LDLRAD4: variants seen among roughly 807,000 people sequenced by gnomAD.
LDLRAD4 encodes low-density lipoprotein receptor class A domain-containing protein 4.
In LDLRAD4, 5 loss-of-function variants were observed where a neutral mutation model predicts 17.0. The ratio of observed to expected loss-of-function variants is 0.29; its 90% confidence interval spans 0.15 to 0.62. The LOEUF (loss-of-function observed/expected upper bound fraction) is 0.62. Among genes scored for constraint, LDLRAD4 ranks in the 20% least tolerant of loss-of-function variants. The probability of loss-of-function intolerance (pLI) is 0.84; values close to 1 mark genes in which losing one functional copy is unlikely to be tolerated. For missense variants in LDLRAD4, 340 were observed against 424.7 expected (o/e 0.80, Z 1.75); for synonymous variants, 168 against 171.8 (o/e 0.98, Z 0.17).
At chr18:13,434,143 G>A (rs2090510814) in intron 2 of LDLRAD4, among the ~76,000 whole-genome samples, 1 of 150,126 alleles carries the variant, frequency 6.7e-6, no homozygotes, top group South Asian at 2.2e-4. Flanking sequence ...ATGTAGAAAT[G>A]CAGAGAAGCT....
At chr18:13,386,373 A>ATT (rs5823250) in intron 1 of LDLRAD4, among the ~76,000 whole-genome samples, 1 of 148,192 alleles carries the variant, frequency 6.7e-6, no homozygotes, top group South Asian at 2.1e-4. Flanking sequence ...TTATTATTCT[A>ATT]TTTTTTTTTT....
chr18:13,316,674 G>A (rs938003160), intron 1 of LDLRAD4, among the ~76,000 whole-genome samples: 1 of 152,180 alleles, frequency 6.6e-6, no homozygotes, highest in Non-Finnish European at 1.5e-5. Flanking sequence ...TGGAGGGTGG[G>A]TGCTGCTGTT....
intron 1 of LDLRAD4, among the ~76,000 whole-genome samples, chr18:13,375,445 G>A (rs1371045220): frequency 1.3e-5 from 2 of 152,134 alleles, no homozygotes; most frequent in Non-Finnish European, 2.9e-5. Flanking sequence ...TGATGTCTCC[G>A]ACGTGGGGAA....
chr18:13,455,386 C>G (rs1406308508), intron 3 of LDLRAD4, among the ~76,000 whole-genome samples: 1 of 152,188 alleles, frequency 6.6e-6, no homozygotes, highest in Admixed American at 6.5e-5. Context: ...TTCATTGTCT[C>G]AAGTGGGATG....
chr18:13,491,651 G>A (rs948285376), intron 3 of LDLRAD4: 16 of 152,174 alleles, frequency 1.1e-4, no homozygotes, highest in African/African-American at 3.9e-4. Context: ...AAAAAAAGAA[G>A]CATTTGTGTG....
At chr18:13,352,850 G>C (rs906670668) in intron 1 of LDLRAD4, among the ~76,000 whole-genome samples, 3 of 151,802 alleles carry the variant, frequency 2.0e-5, no homozygotes, top group Non-Finnish European at 2.9e-5. Flanking sequence ...TCTTTTACCT[G>C]TTTGAGTTTG....
chr18:13,222,193 C>G (rs138635260), intron 1 of LDLRAD4, among the ~76,000 whole-genome samples: 148 of 152,288 alleles, frequency 9.7e-4, no homozygotes, highest in African/African-American at 3.5e-3. Context: ...TCACTCCCCC[C>G]ATCCATTTAT....
At chr18:13,597,512 C>CTCTCTCTT (rs910962903) in intron 3 of LDLRAD4, among the ~76,000 whole-genome samples, 8 of 151,070 alleles carry the variant, frequency 5.3e-5, no homozygotes, top group African/African-American at 1.9e-4. Context: ...TCATTTCTCT[C>CTCTCTCTT]TCTCTCTCTC....
chr18:13,223,361 G>A (rs369067570), intron 1 of LDLRAD4, among the ~76,000 whole-genome samples: 1 of 152,314 alleles, frequency 6.6e-6, no homozygotes, highest in Admixed American at 6.5e-5. Context: ...CAGGTGTCGC[G>A]AGGACCCTCT....
chr18:13,243,908 C>G (rs866400874), intron 1 of LDLRAD4, among the ~76,000 whole-genome samples: 1 of 145,544 alleles, frequency 6.9e-6, no homozygotes, highest in Non-Finnish European at 1.5e-5. Context: ...TCCATCCATC[C>G]ATGCACCTAT....
intron 3 of LDLRAD4, chr18:13,501,245 TA>T (rs1169258071): frequency 6.9e-6 from 1 of 145,530 alleles, no homozygotes; most frequent in Non-Finnish European, 1.5e-5. Context: ...GTATTAATAT[TA>T]ATGAGCATAA....
At chr18:13,627,090 T>G (rs1338989854) in intron 4 of LDLRAD4, among the ~76,000 whole-genome samples, 1 of 152,098 alleles carries the variant, frequency 6.6e-6, no homozygotes, top group East Asian at 1.9e-4. Context: ...GCCAACATGG[T>G]GAAACCTTGT....
chr18:13,305,413 A>G (rs2046854893), intron 1 of LDLRAD4, among the ~76,000 whole-genome samples: 1 of 152,246 alleles, frequency 6.6e-6, no homozygotes, highest in Non-Finnish European at 1.5e-5. Flanking sequence ...TTCAGTATCC[A>G]CTTAAGACAC....
chr18:13,378,320 C>T (rs537710416), intron 1 of LDLRAD4, among the ~76,000 whole-genome samples: 28 of 152,290 alleles, frequency 1.8e-4, no homozygotes, highest in African/African-American at 4.6e-4. Flanking sequence ...CAGGCTGCCT[C>T]GCCCGGCAGA....
intron 1 of LDLRAD4, among the ~76,000 whole-genome samples, chr18:13,233,854 C>G (rs1474529044): frequency 6.6e-6 from 1 of 152,108 alleles, no homozygotes; most frequent in Non-Finnish European, 1.5e-5. Flanking sequence ...GCCAGCATGT[C>G]TAAAACTGAA....
At chr18:13,422,317 G>A (rs139921842) in intron 2 of LDLRAD4, among the ~76,000 whole-genome samples, 23 of 152,272 alleles carry the variant, frequency 1.5e-4, no homozygotes, top group Admixed American at 3.9e-4. Context: ...CCCCAAATCC[G>A]GAGAAATACT....
intron 1 of LDLRAD4, among the ~76,000 whole-genome samples, chr18:13,340,991 C>T (rs2082344431): frequency 6.6e-6 from 1 of 152,070 alleles, no homozygotes. Flanking sequence ...ATTGTTCTTT[C>T]CCGTTGAATG....
intron 1 of LDLRAD4, among the ~76,000 whole-genome samples, chr18:13,269,550 G>A (rs969199354): frequency 6.6e-5 from 10 of 152,052 alleles, no homozygotes; most frequent in African/African-American, 2.2e-4. Context: ...CAAATGAACC[G>A]GGGTAGATGA....
intron 3 of LDLRAD4, among the ~76,000 whole-genome samples, chr18:13,546,994 G>A (rs1217907564): frequency 1.3e-5 from 2 of 152,182 alleles, no homozygotes; most frequent in East Asian, 1.9e-4. Flanking sequence ...GGCTGGTGAG[G>A]TGACACTGCG....
Sources: allele counts gnomAD v4.1 joint callset (sites outside exome capture counted in the v4.1 genomes callset), GRCh38; gene constraint gnomAD v4.1.1; transcripts MANE v1.5; gene names NCBI Gene and HGNC (gene_info 2026-07-23, HGNC 2026-07-21).